The following ENOX1 variants were observed in gnomAD, a reference collection of about 807,000 sequenced individuals.
ENOX1 encodes the protein ecto-NOX disulfide-thiol exchanger 1.
ENOX1 carries 42 observed loss-of-function variants against 82.5 expected under a neutral mutation model. The ratio of observed to expected loss-of-function variants is 0.51; its 90% confidence interval spans 0.40 to 0.66. ENOX1 has a LOEUF of 0.66. ENOX1 is among the 30% of genes least tolerant of loss of function. ENOX1 has a pLI of 0.00. For synonymous variants in ENOX1, 271 were observed against 282.2 expected, an observed-to-expected ratio of 0.96 and a Z score of 0.40; for missense variants, 608 against 811.6, an observed-to-expected ratio of 0.75 and a Z score of 3.05.
chr13:43,548,678 G>A (rs1342964120), intron 2 of ENOX1, among the ~76,000 whole-genome samples: 1 of 152,122 alleles, frequency 6.6e-6, no homozygotes, highest in Non-Finnish European at 1.5e-5. Flanking sequence ...TATTCCTGTG[G>A]TCTGAATGGC....
Position 43,352,211 on chromosome 13 carries a change from G to A in ENOX1, c.823+3708C>T, listed in dbSNP as rs149129528. Among the ~76,000 whole-genome samples, 45 of 152,286 alleles carry A rather than the reference G, an allele frequency of 3.0e-4. No individual in the cohort carries two copies. The East Asian group carries it at 8.7e-3, about 29-fold the overall frequency. The stretch of plus-strand genomic sequence containing the variant: ...TTGATCCCAGGAGGATGGTATTCTT[G>A]TTGACACATCAGGAAATCCCAAAGG... On this transcript the variant is annotated intron_variant, in intron 8 of 16. Coordinates refer to ENST00000690772, the MANE Select transcript of ENOX1 (RefSeq NM_001347969.2).
intron 12 of ENOX1, among the ~76,000 whole-genome samples, chr13:43,288,980 G>A (rs2045856457): frequency 6.6e-6 from 1 of 152,046 alleles, no homozygotes; most frequent in Non-Finnish European, 1.5e-5. Flanking sequence ...TAGCCACGAA[G>A]AAGATAAAAT....
intron 5 of ENOX1, among the ~76,000 whole-genome samples, chr13:43,385,859 A>G (rs914368539): frequency 5.3e-5 from 8 of 152,190 alleles, no homozygotes; most frequent in African/African-American, 1.9e-4. Context: ...TTATAATAAA[A>G]TTACATTATT....
chr13:43,596,511 T>C (rs2081480196), intron 2 of ENOX1, among the ~76,000 whole-genome samples: 1 of 152,258 alleles, frequency 6.6e-6, no homozygotes, highest in African/African-American at 2.4e-5. Flanking sequence ...ATGGAAGTCC[T>C]TCCTATATTT....
intron 14 of ENOX1, among the ~76,000 whole-genome samples, chr13:43,242,981 C>A (rs941574252): frequency 2.6e-5 from 4 of 151,962 alleles, no homozygotes; most frequent in African/African-American, 9.7e-5. Context: ...ACTGACCATA[C>A]AAAAATTAGC....
chr13:43,313,252 G>T (rs1349081450), intron 11 of ENOX1, among the ~76,000 whole-genome samples: 3 of 152,048 alleles, frequency 2.0e-5, no homozygotes, highest in Admixed American at 1.3e-4. Flanking sequence ...TTATTTCTTG[G>T]ATCCATTATT....
chr13:43,352,380 C>T (rs189086436), intron 8 of ENOX1, among the ~76,000 whole-genome samples: 123 of 152,310 alleles, frequency 8.1e-4, no homozygotes, highest in Middle Eastern at 6.8e-3. Flanking sequence ...AGAGAAATCC[C>T]GGTGAATTAG....
intron 5 of ENOX1, among the ~76,000 whole-genome samples, chr13:43,410,650 ACAT>A (rs2054071115): frequency 1.3e-5 from 2 of 151,270 alleles, no homozygotes; most frequent in Non-Finnish European, 2.9e-5. Context: ...ACACACACAC[ACAT>A]ATTACTACAG....
At chr13:43,536,530 T>C (rs2078467679) in intron 2 of ENOX1, among the ~76,000 whole-genome samples, 1 of 144,112 alleles carries the variant, frequency 6.9e-6, no homozygotes, top group Non-Finnish European at 1.5e-5. Flanking sequence ...TTTTGGACTA[T>C]TTAGGAAGCA....
intron 1 of ENOX1, among the ~76,000 whole-genome samples, chr13:43,726,753 T>TGTGTGAGA (rs60690794): frequency 3.7e-4 from 52 of 141,142 alleles, no homozygotes; most frequent in Non-Finnish European, 6.4e-4. Context: ...TGTGTGTGTG[T>TGTGTGAGA]GAGAGAGAGA....
At chr13:43,442,153 C>A (rs2056396047) in intron 3 of ENOX1, among the ~76,000 whole-genome samples, 1 of 152,116 alleles carries the variant, frequency 6.6e-6, no homozygotes, top group Non-Finnish European at 1.5e-5. Context: ...TCACAGCCCC[C>A]AGATTAGCTG....
intron 2 of ENOX1, among the ~76,000 whole-genome samples, chr13:43,561,641 GTAA>G (rs2079674257): frequency 2.0e-5 from 3 of 152,122 alleles, no homozygotes; most frequent in Admixed American, 6.5e-5. Flanking sequence ...CAAAAATCAA[GTAA>G]GTATTAGTAC....
intron 9 of ENOX1, among the ~76,000 whole-genome samples, chr13:43,333,992 T>C (rs1183379998): frequency 2.0e-5 from 3 of 152,206 alleles, no homozygotes; most frequent in Non-Finnish European, 4.4e-5. Context: ...TTTAAAACAG[T>C]AGTTATCAAA....
At chr13:43,470,342 GTATATATA>G (rs56828107) in intron 3 of ENOX1, among the ~76,000 whole-genome samples, 7 of 43,056 alleles carry the variant, frequency 1.6e-4, no homozygotes, top group African/African-American at 4.8e-4. Flanking sequence ...ATATATATAC[GTATATATA>G]TATGTATATA....
chr13:43,693,485 A>G (rs574946989), intron 1 of ENOX1, among the ~76,000 whole-genome samples: 97 of 152,208 alleles, frequency 6.4e-4, no homozygotes, highest in Non-Finnish European at 1.3e-3. Flanking sequence ...TTAACACTAT[A>G]GTTTTCCTTT....
intron 3 of ENOX1, among the ~76,000 whole-genome samples, chr13:43,474,641 C>A (rs1421383113): frequency 6.7e-6 from 1 of 150,216 alleles, no homozygotes; most frequent in African/African-American, 2.5e-5. Flanking sequence ...GGAATTAAGA[C>A]CTACACTTAC....
chr13:43,705,110 T>C lies in ENOX1; in HGVS notation c.-284-37566A>G, dbSNP rs299326. ...TACTAAAATTATTTAACCTAAAAAA[T>C]TCAGGAAAGGAGGAACAGAGAAACA... On this transcript the variant is annotated intron_variant, in intron 1 of 16. Coordinates refer to ENST00000690772, the MANE Select transcript of ENOX1 (RefSeq NM_001347969.2). Among the ~76,000 whole-genome samples the C allele has an allele frequency of 6.5e-3, 986 of 151,422 alleles. 9 individuals are homozygous for C. The highest frequency in any genetic ancestry group is 0.023 in the African/African-American group (938 of 41,258).
chr13:43,378,987 G>A (rs924812391), intron 5 of ENOX1, among the ~76,000 whole-genome samples: 5 of 152,142 alleles, frequency 3.3e-5, no homozygotes, highest in African/African-American at 9.7e-5. Flanking sequence ...GAAGGTTGGA[G>A]TAATTTGATG....
intron 2 of ENOX1, among the ~76,000 whole-genome samples, chr13:43,615,756 C>T (rs368461869): frequency 3.9e-5 from 6 of 151,902 alleles, no homozygotes; most frequent in East Asian, 1.9e-4. Context: ...CCTCACCCCC[C>T]GACAGGCCCT....
Sources: allele counts gnomAD v4.1 joint callset (sites outside exome capture counted in the v4.1 genomes callset), GRCh38; gene constraint gnomAD v4.1.1; transcripts MANE v1.5; gene names NCBI Gene and HGNC (gene_info 2026-07-23, HGNC 2026-07-21).